The following POU6F2 variants were observed in gnomAD, a reference collection of about 807,000 sequenced individuals.
POU6F2 encodes the protein POU class 6 homeobox 2, also known as POU domain, class 6, transcription factor 2.
A neutral mutation model predicts 71.3 loss-of-function variants in POU6F2; 31 were observed. The ratio of observed to expected loss-of-function variants is 0.43; its 90% CI spans 0.33 to 0.59. The LOEUF (loss-of-function observed/expected upper bound fraction) is 0.59, where lower values mean the gene tolerates loss of function less well. Ranked by LOEUF, POU6F2 falls within the 20% of genes least tolerant of loss-of-function variation. The pLI is 0.04. For missense variants in POU6F2, 783 were observed against 856.8 expected, an observed-to-expected ratio of 0.91 and a Z score of 1.07; for synonymous variants, 347 against 355.7, an observed-to-expected ratio of 0.98 and a Z score of 0.27.
Position 39,079,324 on chromosome 7 carries a change from G to C in POU6F2, c.106-6536G>C, listed in dbSNP as rs199593218. ...CTGCCTTAGCCTCCCGAGTAGCTGGGATTACAGGCGCCCGCAACCACGCCC... is the reference window on the plus strand; with the variant it reads ...CTGCCTTAGCCTCCCGAGTAGCTGGCATTACAGGCGCCCGCAACCACGCCC... On this transcript the variant is annotated intron_variant, in intron 1 of 9. Coordinates refer to ENST00000518318, the MANE Select transcript of POU6F2 (RefSeq NM_001370959.1). Among the ~76,000 whole-genome samples the C allele has an allele frequency of 7.9e-4, 120 of 151,802 alleles. No homozygotes were observed. In the Middle Eastern group the frequency reaches 0.01, roughly 13 times the overall value.
At chr7:39,415,995 C>A (rs944004773) in intron 6 of POU6F2, among the ~76,000 whole-genome samples, 2 of 151,866 alleles carry the variant, frequency 1.3e-5, no homozygotes, top group Non-Finnish European at 2.9e-5. Context: ...CTGGCTGTTC[C>A]GCAGACATGT....
intron 4 of POU6F2, among the ~76,000 whole-genome samples, chr7:39,280,467 G>T (rs1784542357): frequency 6.6e-6 from 1 of 152,152 alleles, no homozygotes; most frequent in East Asian, 1.9e-4. Flanking sequence ...CAAGTTCCAA[G>T]ATTAAAGATT....
chr7:39,093,772 AC>A (rs1382752833), intron 2 of POU6F2, among the ~76,000 whole-genome samples: 1 of 152,006 alleles, frequency 6.6e-6, no homozygotes, highest in Admixed American at 6.5e-5. Context: ...TTTCCTTACC[AC>A]TTCCATACTT....
At chr7:39,012,831 C>T (rs1789338670) in intron 1 of POU6F2, among the ~76,000 whole-genome samples, 1 of 151,950 alleles carries the variant, frequency 6.6e-6, no homozygotes, top group Admixed American at 6.6e-5. Context: ...CCCAGTTAGG[C>T]TGCTCAGGGG....
chr7:39,134,371 A>C (rs1584560608), intron 2 of POU6F2, among the ~76,000 whole-genome samples: 1 of 152,280 alleles, frequency 6.6e-6, no homozygotes, highest in East Asian at 1.9e-4. Flanking sequence ...TGGGACCAGC[A>C]ACCTTCTTAG....
At chr7:39,068,891 T>G (rs940497609) in intron 1 of POU6F2, among the ~76,000 whole-genome samples, 1 of 152,118 alleles carries the variant, frequency 6.6e-6, no homozygotes, top group Non-Finnish European at 1.5e-5. Context: ...ATTAAAAGCA[T>G]AGATTGCTGA....
At chr7:39,172,807 G>A (rs976030822) in intron 2 of POU6F2, among the ~76,000 whole-genome samples, 2 of 152,034 alleles carry the variant, frequency 1.3e-5, no homozygotes, top group African/African-American at 4.8e-5. Context: ...TATTTGTAGA[G>A]ACGGGGTTTC....
rs754910624 is a variant in POU6F2, at chr7:39,340,026, C to T, written c.972+11C>T. 3.1e-5 allele frequency: 49 copies of T among 1,588,692 alleles called. No individual in the cohort carries two copies. Among genetic ancestry groups the T allele is most frequent in the African/African-American group, 6.7e-5 (5 of 74,520 alleles). ...CCCAATCCTCTACAGGTATGCTCCC[C>T]GTGCTTCCCGTCTGCCCCTAGGAGC... On this transcript the variant is annotated intron_variant, in intron 5 of 9. Transcript: ENST00000518318.
At chr7:39,422,585 C>T (rs1355743696) in intron 6 of POU6F2, among the ~76,000 whole-genome samples, 3 of 152,146 alleles carry the variant, frequency 2.0e-5, no homozygotes, top group Non-Finnish European at 4.4e-5. Context: ...GTAAGAAATG[C>T]ATAGGATCCT....
intron 4 of POU6F2, among the ~76,000 whole-genome samples, chr7:39,279,958 G>C (rs1403817686): frequency 6.6e-6 from 1 of 152,004 alleles, no homozygotes; most frequent in South Asian, 2.1e-4. Flanking sequence ...TGTTGGCCAG[G>C]CTGGTCTCGA....
intron 4 of POU6F2, among the ~76,000 whole-genome samples, chr7:39,258,637 G>A (rs1784070689): frequency 6.6e-6 from 1 of 151,624 alleles, no homozygotes. Context: ...CATTTCAGGT[G>A]TAAAATTCAC....
chr7:39,107,039 C>CTTTTTTTTTTTTTT (rs70977458), intron 2 of POU6F2, among the ~76,000 whole-genome samples: 106 of 130,850 alleles, frequency 8.1e-4, no homozygotes, highest in Non-Finnish European at 1.1e-3. Flanking sequence ...TTCTTTCTTT[C>CTTTTTTTTTTTTTT]TTTTTTTTTT....
chr7:39,160,268 C>T (rs1792967019), intron 2 of POU6F2, among the ~76,000 whole-genome samples: 4 of 152,136 alleles, frequency 2.6e-5, no homozygotes, highest in Admixed American at 2.6e-4. Flanking sequence ...CTGAGAACAG[C>T]CAAATGGATT....
At chr7:39,263,558 A>G (rs11768007) in intron 4 of POU6F2, among the ~76,000 whole-genome samples, 17,183 of 152,300 alleles carry the variant, frequency 0.11, 1,195 homozygotes, top group Non-Finnish European at 0.15. Context: ...CTGAACAAAG[A>G]AAAATAGAAA....
intron 1 of POU6F2, among the ~76,000 whole-genome samples, chr7:39,028,453 T>C (rs895571435): frequency 1.3e-5 from 2 of 152,176 alleles, no homozygotes; most frequent in African/African-American, 4.8e-5. Context: ...ATTGCTTTGC[T>C]GTCTTAATTA....
chr7:39,013,928 T>C (rs1584498886), intron 1 of POU6F2, among the ~76,000 whole-genome samples: 1 of 152,358 alleles, frequency 6.6e-6, no homozygotes, highest in Middle Eastern at 3.4e-3. Context: ...TTTATGCACT[T>C]AATTTATGTA....
chr7:39,316,976 G>T (rs1173303401), intron 4 of POU6F2, among the ~76,000 whole-genome samples: 2 of 152,174 alleles, frequency 1.3e-5, no homozygotes, highest in African/African-American at 4.8e-5. Flanking sequence ...ATTAACAAAA[G>T]CTTCCCAGTG....
chr7:39,303,347 C>T (rs1055830300), intron 4 of POU6F2, among the ~76,000 whole-genome samples: 2 of 152,166 alleles, frequency 1.3e-5, no homozygotes, highest in African/African-American at 2.4e-5. Context: ...CGGGGTTTCA[C>T]CATGTTATCC....
At chr7:38,986,005 G>C (rs563414708) in intron 1 of POU6F2, among the ~76,000 whole-genome samples, 2 of 152,108 alleles carry the variant, frequency 1.3e-5, no homozygotes, top group South Asian at 2.1e-4. Flanking sequence ...AGAATTTAGA[G>C]TAAAAATGAA....
Sources: gnomAD v4.1 joint callset for allele counts (sites outside exome capture counted in the v4.1 genomes callset) on GRCh38, gnomAD v4.1.1 for gene constraint, MANE v1.5 for transcripts, NCBI Gene and HGNC (gene_info 2026-07-23, HGNC 2026-07-21) for gene names.